The following CENPI variants were observed in gnomAD, a reference collection of about 807,000 sequenced individuals.
The protein encoded by CENPI is FSH primary response 1.
CENPI carries 4 observed loss-of-function variants against 60.4 expected under a neutral mutation model. The observed-to-expected ratio is 0.07, with a 90% confidence interval of 0.03 to 0.15. The LOEUF is 0.15. CENPI is among the 10% of genes least tolerant of loss of function. CENPI has a pLI of 1.00. For synonymous variants in CENPI, 157 were observed against 189.4 expected (o/e 0.83, Z 1.40); for missense variants, 444 against 534.5 (o/e 0.83, Z 1.67).
chrX:101,105,501 G>A (rs377316719), intron 4 of CENPI, among the ~76,000 whole-genome samples: 135 of 112,066 alleles, frequency 1.2e-3, no homozygotes, highest in Non-Finnish European at 1.2e-3. Flanking sequence ...TCAAGCCTGG[G>A]TGAAGAGCGA....
In CENPI at chrX:101,140,037, C is replaced by T. The variant is rs530339879; in HGVS notation, c.1471-629C>T. On this transcript the variant is annotated intron_variant, in intron 15 of 21. Transcript: ENST00000682095. The stretch of plus-strand genomic sequence containing the variant: ...ATTTTTAGTAGAGACGGGGTTTCAC[C>T]GCGTTAGCCAGGATGGTCTCGATCT... Among the ~76,000 whole-genome samples, 97 of 110,427 alleles carry T rather than the reference C, an allele frequency of 8.8e-4. No individual in the cohort carries two copies. The South Asian group carries it at 0.035, about 40-fold the overall frequency.
chrX:101,141,796 A>G (rs143075521), intron 16 of CENPI, among the ~76,000 whole-genome samples: 197 of 110,899 alleles, frequency 1.8e-3, no homozygotes, highest in Non-Finnish European at 3.3e-3. Flanking sequence ...ACAGTGACGC[A>G]GTCTTTGCTC....
chrX:101,161,825 T>C (rs1259598987), intron 21 of CENPI, among the ~76,000 whole-genome samples: 1 of 112,137 alleles, frequency 8.9e-6, no homozygotes, highest in Non-Finnish European at 1.9e-5. Context: ...TGAAATAAAG[T>C]ATGATTTGTT....
intron 15 of CENPI, among the ~76,000 whole-genome samples, 159 bp downstream of exon 15, chrX:101,132,615 G>A (rs943790213): frequency 5.4e-5 from 6 of 111,698 alleles, no homozygotes; most frequent in African/African-American, 1.9e-4. Context: ...TTAATGCATA[G>A]AATGTTCCTT....
intron 15 of CENPI, among the ~76,000 whole-genome samples, chrX:101,132,777 C>G (rs2089807937): frequency 8.9e-6 from 1 of 111,936 alleles, no homozygotes; most frequent in Non-Finnish European, 1.9e-5. Context: ...TTTGTAGATA[C>G]ATTTATTCAT....
chrX:101,123,006 G>T (rs762060785), intron 8 of CENPI, among the ~76,000 whole-genome samples: 3 of 112,538 alleles, frequency 2.7e-5, no homozygotes, highest in Non-Finnish European at 3.8e-5. Flanking sequence ...CTAAATGTCT[G>T]GTTTCATTAC....
intron 9 of CENPI, 135 bp downstream of exon 9, chrX:101,126,933 A>C (rs1243288871): frequency 1.5e-6 from 1 of 665,922 alleles, no homozygotes; most frequent in Non-Finnish European, 2.2e-6. Context: ...GTTTTGGGAA[A>C]GTTTTTTTTT....
chrX:101,162,473 A>AAAATATATATATATATATATATATATAT, intron 21 of CENPI, among the ~76,000 whole-genome samples: 1 of 68,129 alleles, frequency 1.5e-5, no homozygotes, highest in African/African-American at 6.9e-5. Flanking sequence ...AAAAAAAAAA[A>AAAATATATATATATATATATATATATAT]ATATATATAT....
Position 101,102,496 on chromosome X carries a change from T to TATAC in CENPI, c.364+86_364+87insTACA, listed in dbSNP as rs1556386354. On this transcript the variant is annotated intron_variant, in intron 4 of 21. Transcript: ENST00000682095. ...TTTAAAAATAAATCTTATATATATA[T>TATAC]ACACACACACACACACACACATATA... is the stretch of plus-strand genomic sequence containing the variant. 1,212 of 251,551 alleles carry TATAC rather than the reference T, an allele frequency of 4.8e-3. 22 individuals are homozygous for TATAC. The highest frequency in any genetic ancestry group is 0.037 in the African/African-American group (1,072 of 28,590). 20.7% of individuals were successfully genotyped at this position (251,551 alleles called of 1,213,427 possible).
chrX:101,114,198 A>C (rs2089590382), intron 6 of CENPI, among the ~76,000 whole-genome samples: 1 of 112,183 alleles, frequency 8.9e-6, no homozygotes, highest in African/African-American at 3.2e-5. Flanking sequence ...CGGAGATTGC[A>C]GTGAGCCAAG....
chrX:101,104,213 A>G (rs767051110), intron 4 of CENPI, among the ~76,000 whole-genome samples: 2 of 112,431 alleles, frequency 1.8e-5, no homozygotes, highest in South Asian at 7.2e-4. Context: ...ACCTCAGGTG[A>G]TCCACCCGCC....
chrX:101,176,810 G>A, the CENPI span, among the ~76,000 whole-genome samples: 1 of 112,608 alleles, frequency 8.9e-6, no homozygotes, highest in African/African-American at 3.2e-5. Flanking sequence ...CTGTGCTTTC[G>A]AGGTCTTAGC....
Position 101,101,186 on chromosome X carries a change from C to G in CENPI, c.116C>G (p.Ser39Trp), listed in dbSNP as rs369302407. Residue 39 changes from serine (S) to tryptophan (W), a missense_variant, in exon 3 of 22, where the codon TCG (serine) becomes TGG (tryptophan). Transcript: ENST00000682095. ...AWKVKQDPSNSKNISKHGQNN... is the reference protein window; with the variant it reads ...AWKVKQDPSNWKNISKHGQNN... ...AAAGTAAAACAGGATCCAAGCAACTCGAAGAACATCTCAAAACATGGACAA... is the reference window on the plus strand; with the variant it reads ...AAAGTAAAACAGGATCCAAGCAACTGGAAGAACATCTCAAAACATGGACAA... 3 of 1,206,505 alleles carry G rather than the reference C, an allele frequency of 2.5e-6. No individual in the cohort carries two copies. The African/African-American group carries it at 5.3e-5, about 21-fold the overall frequency.
chrX:101,163,002 A>C lies in CENPI; in HGVS notation c.*35A>C. On this transcript the variant is annotated 3_prime_UTR_variant, in exon 22 of 22. Transcript: ENST00000682095. ...GACATAAACTGAACACACTGGACTA[A>C]ACTCACTCCTCATTGCTAGAGCAAA... 1.7e-6 allele frequency: 2 copies of C among 1,187,054 alleles called. No homozygotes were observed. Among genetic ancestry groups the C allele is most frequent in the Non-Finnish European group, 2.3e-6 (2 of 880,396 alleles).
chrX:101,124,877 C>T lies in CENPI; in HGVS notation c.688-1832C>T, dbSNP rs774961625. Among the ~76,000 whole-genome samples, 9 of 111,639 alleles carry T rather than the reference C, an allele frequency of 8.1e-5. No homozygotes were observed. In the South Asian group the frequency reaches 3.4e-3, roughly 42 times the overall value. ...AAACCTCTTTCCTTTATAAATGACC[C>T]AGTCTTGGGCAGTTCTTTATAGCAG... On this transcript the variant is annotated intron_variant, in intron 8 of 21. Coordinates refer to ENST00000682095, the MANE Select transcript of CENPI (RefSeq NM_001386188.2).
intron 8 of CENPI, among the ~76,000 whole-genome samples, chrX:101,124,133 G>GTGTA (rs1191553000): frequency 1.1e-5 from 1 of 87,009 alleles, no homozygotes; most frequent in African/African-American, 4.3e-5. Context: ...GTGTGTGTGT[G>GTGTA]TGTATTTATA....
At chrX:101,107,926 AT>A (rs200458884) in intron 4 of CENPI, among the ~76,000 whole-genome samples, 3 of 82,928 alleles carry the variant, frequency 3.6e-5, no homozygotes, top group Admixed American at 1.4e-4. Flanking sequence ...CTAATTTTGT[AT>A]TTTTTTTATT....
At chrX:101,144,844 G>A (rs763324045) in intron 16 of CENPI, among the ~76,000 whole-genome samples, 44 of 111,716 alleles carry the variant, frequency 3.9e-4, no homozygotes, top group African/African-American at 1.4e-3. Flanking sequence ...GAGTCTGATT[G>A]CTTAGAATGT....
At chrX:101,156,905 A>G (rs1019860566) in intron 20 of CENPI, among the ~76,000 whole-genome samples, 2 of 110,988 alleles carry the variant, frequency 1.8e-5, no homozygotes, top group African/African-American at 6.6e-5. Context: ...TCATTGATTG[A>G]TGGGTGTTTG....
Sources: gnomAD v4.1 joint callset for allele counts (sites outside exome capture counted in the v4.1 genomes callset) on GRCh38, gnomAD v4.1.1 for gene constraint, MANE v1.5 for transcripts, NCBI Gene and HGNC (gene_info 2026-07-23, HGNC 2026-07-21) for gene names.